SLC13A5: variants seen among roughly 807,000 people sequenced by gnomAD.
SLC13A5 encodes Na(+)/citrate cotransporter.
A neutral mutation model predicts 56.5 loss-of-function variants in SLC13A5; 25 were observed. The ratio of observed to expected loss-of-function variants is 0.44; its 90% CI spans 0.32 to 0.62. The LOEUF is 0.62. Ranked by LOEUF, SLC13A5 falls within the 20% of genes least tolerant of loss-of-function variation. SLC13A5 has a pLI of 0.04. For missense variants in SLC13A5, 649 were observed against 737.8 expected (o/e 0.88, Z 1.39); for synonymous variants, 307 against 301.5 (o/e 1.02, Z -0.19).
At chr17:6,697,959 C>A (rs576985151) in intron 6 of SLC13A5, among the ~76,000 whole-genome samples, 1 of 152,214 alleles carries the variant, frequency 6.6e-6, no homozygotes, top group Non-Finnish European at 1.5e-5. Context: ...GTGGAGCTGC[C>A]TCCTGCCGCT....
chr17:6,692,231 AGATGGATGGATGGATGGATG>A lies in SLC13A5; in HGVS notation c.1275+793_1275+812del, dbSNP rs370078806. Among the ~76,000 whole-genome samples the A allele has an allele frequency of 7.0e-6, 1 of 143,812 alleles. No homozygotes were observed. Among genetic ancestry groups the A allele is most frequent in the African/African-American group, 2.7e-5 (1 of 37,698 alleles). The allele number at this position is 143,812 out of a possible 152,430, so 94.3% of individuals were successfully genotyped here. On this transcript the variant is annotated intron_variant, in intron 9 of 11. Coordinates refer to ENST00000433363, the MANE Select transcript of SLC13A5 (RefSeq NM_177550.5). The surrounding 1 kb of genome is among the most constrained non-coding windows in gnomAD (Gnocchi z 5.5). ...TAGATAGATGGGTGGATGGATGGACAGATGGATGGATGGATGGATGGATGGATGGATGGATGGATGGATGG... is the reference window on the plus strand; with the variant it reads ...TAGATAGATGGGTGGATGGATGGACAGATGGATGGATGGATGGATGGATGG...
rs372576265 is a variant in SLC13A5 at position 6,692,370 on chromosome 17, G to A, written c.1275+674C>T. Reference sequence around the variant, plus strand: ...TAGATGGATGGATTTGTTCACCTCCGCAAAAACTTAGCACCCACTAGGCAC... The same window carrying A: ...TAGATGGATGGATTTGTTCACCTCCACAAAAACTTAGCACCCACTAGGCAC... On this transcript the variant is annotated intron_variant, in intron 9 of 11. Transcript: ENST00000433363. The surrounding 1 kb of genome is among the most constrained non-coding windows in gnomAD (Gnocchi z 5.5). Among the ~76,000 whole-genome samples, 4 of 152,214 alleles carry A rather than the reference G, an allele frequency of 2.6e-5. No individual in the cohort carries two copies. The highest frequency in any genetic ancestry group is 2.1e-4 in the South Asian group (1 of 4,824).
chr17:6,695,917 C>A lies in SLC13A5; in HGVS notation c.864G>T (p.Gly288=). 1 of 1,614,020 alleles carries A rather than the reference C, an allele frequency of 6.2e-7. No homozygotes were observed. The highest frequency in any genetic ancestry group is 8.5e-7 in the Non-Finnish European group (1 of 1,180,018). ...CCTTCTCGTTTTTCTTGCTCTCTAG[C>A]CCGCAGCCCCAGGACTTTTTAAAAC... is the stretch of plus-strand genomic sequence containing the variant. ...RFNFKKSWGC[G]LESKKNEKAA... is the part of the protein sequence containing the mutation. Residue 288 remains glycine (G), a synonymous_variant, in exon 7 of 12, where the codon GGG becomes GGT. Transcript: ENST00000433363.
intron 5 of SLC13A5, among the ~76,000 whole-genome samples, 175 bp downstream of exon 5, chr17:6,702,795 C>T (rs1242631901): frequency 6.6e-6 from 1 of 152,104 alleles, no homozygotes; most frequent in African/African-American, 2.4e-5. Flanking sequence ...CACAGGGGTG[C>T]CAGGACACAG....
At chr17:6,704,106 C>T (rs760656071) in intron 3 of SLC13A5, 50 bp from the exon 4 acceptor site, 9 of 1,565,614 alleles carry the variant, frequency 5.7e-6, no homozygotes, top group East Asian at 2.3e-5. Flanking sequence ...ACCCCACCCC[C>T]GTACTCCCTG....
chr17:6,688,180 A>G (rs1340354416), intron 10 of SLC13A5: 1 of 152,412 alleles, frequency 6.6e-6, no homozygotes, highest in East Asian at 1.9e-4. Flanking sequence ...GTAGGCACTC[A>G]TTAAATATTT....
At position 6,702,971 on chromosome 17, in the gene SLC13A5, C is replaced by T. The variant is rs1338244280; in HGVS notation, c.715G>A (p.Glu239Lys). 3 of 1,613,928 alleles carry T rather than the reference C, an allele frequency of 1.9e-6. No individual in the cohort carries two copies. The highest frequency in any genetic ancestry group is 2.5e-6 in the Non-Finnish European group (3 of 1,179,890). The change falls in exon 5 of 12, where the codon GAG (glutamate) becomes AAG (lysine). Residue 239 changes from glutamate to lysine, a missense_variant and splice_region_variant. Physicochemically the swap from Glu to Lys is moderately conservative, Grantham distance 56. Transcript: ENST00000433363. ...CAGAAGGTGCGACCAAGGACTCACTCGTTCATCTGGCCCAGGAGCACCACG... is the reference window on the plus strand; with the variant it reads ...CAGAAGGTGCGACCAAGGACTCACTTGTTCATCTGGCCCAGGAGCACCACG... ...PNVVLLGQMN[E>K]LFPDSKDLVN...
At chr17:6,690,974 C>T (rs1376532539) in intron 9 of SLC13A5, 34 bp from the exon 10 acceptor site, 3 of 1,571,010 alleles carry the variant, frequency 1.9e-6, no homozygotes, top group African/African-American at 1.3e-5. Context: ...CATCTCAGCG[C>T]TCCCAGCTTG....
chr17:6,696,493 G>A (rs759467771), intron 6 of SLC13A5, among the ~76,000 whole-genome samples: 1 of 152,050 alleles, frequency 6.6e-6, no homozygotes, highest in Non-Finnish European at 1.5e-5. Flanking sequence ...AGCATGGCTA[G>A]GGCAAGAAGG....
chr17:6,690,982 T>G, intron 9 of SLC13A5, 42 bp from the exon 10 acceptor site: 1 of 1,564,158 alleles, frequency 6.4e-7, no homozygotes, highest in Non-Finnish European at 8.7e-7. Flanking sequence ...CGCTCCCAGC[T>G]TGCAGTTCCT....
rs1411597037 is a variant in SLC13A5, at chr17:6,701,475, G to T, written c.717-349C>A. On this transcript the variant is annotated intron_variant, in intron 5 of 11. Coordinates refer to ENST00000433363, the MANE Select transcript of SLC13A5 (RefSeq NM_177550.5). The surrounding 1 kb of genome is among the most constrained non-coding windows in gnomAD (Gnocchi z 4.1). ...GCCTGTAATTCCAGGACTCTGGGAG[G>T]CCGAGGCAGGTGGGGCACAAGGTCA... 5.9e-5 allele frequency among the ~76,000 whole-genome samples: 9 copies of T among 152,214 alleles called. No homozygotes were observed. Among genetic ancestry groups the T allele is most frequent in the Admixed American group, 5.9e-4 (9 of 15,290 alleles).
chr17:6,703,993 G>A lies in SLC13A5; in HGVS notation c.432C>T (p.Thr144=). Residue 144 remains threonine, a synonymous_variant, in exon 4 of 12, where the codon ACC becomes ACT. Coordinates refer to ENST00000433363, the MANE Select transcript of SLC13A5 (RefSeq NM_177550.5). ...LLSMWISNTA[T]TAMMVPIVEA... is the part of the protein sequence containing the mutation. ...CCACGATGGGCACCATCATGGCCGTGGTTGCCGTGTTACTGATCCACATGG... is the reference window on the plus strand; with the variant it reads ...CCACGATGGGCACCATCATGGCCGTAGTTGCCGTGTTACTGATCCACATGG... 1 of 1,613,206 alleles carries A rather than the reference G, an allele frequency of 6.2e-7. No homozygotes were observed. The highest frequency in any genetic ancestry group is 2.2e-5 in the East Asian group (1 of 44,818).
chr17:6,700,736 G>C (rs577747146), intron 6 of SLC13A5, among the ~76,000 whole-genome samples: 3 of 152,170 alleles, frequency 2.0e-5, no homozygotes, highest in Non-Finnish European at 4.4e-5. Flanking sequence ...GGAAAAGTCA[G>C]GGAAGCAGCA....
At chr17:6,703,432 C>A (rs1225481134) in intron 4 of SLC13A5, among the ~76,000 whole-genome samples, 1 of 152,236 alleles carries the variant, frequency 6.6e-6, no homozygotes, top group African/African-American at 2.4e-5. Flanking sequence ...GCTGACTCGT[C>A]TTCCCTGAGC....
Position 6,711,700 on chromosome 17 carries a change from TGAGA to T in SLC13A5, c.102+1528_102+1531del, listed in dbSNP as rs1035691111. On this transcript the variant is annotated intron_variant, in intron 1 of 11. Coordinates refer to ENST00000433363, the MANE Select transcript of SLC13A5 (RefSeq NM_177550.5). This position sits in a 1 kb window ranked among gnomAD's most constrained non-coding sequence, Gnocchi z 4.0. ...GTGTGTGTTTGTGAGTGTGTGTGTG[TGAGA>T]GAGAGAGTGTGTATGTGTGTGTGTG... Among the ~76,000 whole-genome samples, 86 of 151,534 alleles carry T rather than the reference TGAGA, an allele frequency of 5.7e-4. No homozygotes were observed. The highest frequency in any genetic ancestry group is 2.0e-3 in the African/African-American group (81 of 41,280).
intron 5 of SLC13A5, among the ~76,000 whole-genome samples, chr17:6,702,657 A>T (rs115513196): frequency 6.6e-6 from 1 of 151,838 alleles, no homozygotes; most frequent in Non-Finnish European, 1.5e-5. Context: ...TTCAATCCAC[A>T]CTCCCTCTCT....
chr17:6,701,261 C>A lies in SLC13A5; in HGVS notation c.717-135G>T. The A allele has an allele frequency of 8.0e-7, 1 of 1,247,972 alleles. No individual in the cohort carries two copies. Among genetic ancestry groups the A allele is most frequent in the South Asian group, 1.5e-5 (1 of 67,938 alleles). 77.3% of individuals were successfully genotyped at this position (1,247,972 alleles called of 1,614,324 possible). A position where few individuals can be genotyped will look rare whatever the true frequency, so the allele number is the denominator to read the frequency against. ...AGGCCACATCCTCCTGAGGTCTAGC[C>A]ACCAAGTCCATTGCCAAGCATTGTC... On this transcript the variant is annotated intron_variant, in intron 5 of 11. Transcript: ENST00000433363. The surrounding 1 kb of genome is among the most constrained non-coding windows in gnomAD (Gnocchi z 4.1).
rs145329208 is a variant in SLC13A5, at chr17:6,692,085, C to T, written c.1275+959G>A. On this transcript the variant is annotated intron_variant, in intron 9 of 11. Coordinates refer to ENST00000433363, the MANE Select transcript of SLC13A5 (RefSeq NM_177550.5). The surrounding 1 kb of genome is among the most constrained non-coding windows in gnomAD (Gnocchi z 5.5). ...TGTAATCTCTGTGCCTGGCATAACACTAGGGACATAATAGGAATGTTGGAT... is the reference window on the plus strand; with the variant it reads ...TGTAATCTCTGTGCCTGGCATAACATTAGGGACATAATAGGAATGTTGGAT... Among the ~76,000 whole-genome samples the T allele has an allele frequency of 3.8e-3, 581 of 151,804 alleles. 3 individuals carry two copies. Among genetic ancestry groups the T allele is most frequent in the African/African-American group, 0.013 (525 of 41,338 alleles).
rs1281104725 is a variant in SLC13A5 at position 6,692,269 on chromosome 17, A to ATGGATGGATGGATGGATGGT, written c.1275+774_1275+775insACCATCCATCCATCCATCCA. Among the ~76,000 whole-genome samples, 6 of 151,846 alleles carry ATGGATGGATGGATGGATGGT rather than the reference A, an allele frequency of 4.0e-5. No homozygotes were observed. Among genetic ancestry groups the ATGGATGGATGGATGGATGGT allele is most frequent in the African/African-American group, 1.5e-4 (6 of 41,262 alleles). On this transcript the variant is annotated intron_variant, in intron 9 of 11. Coordinates refer to ENST00000433363, the MANE Select transcript of SLC13A5 (RefSeq NM_177550.5). The surrounding 1 kb of genome is among the most constrained non-coding windows in gnomAD (Gnocchi z 5.5). ...GATGGATGGATGGATGGATGGATGGATGGATGGACGGATGGACGGACGGAT... is the reference window on the plus strand; with the variant it reads ...GATGGATGGATGGATGGATGGATGGATGGATGGATGGATGGATGGTTGGATGGACGGATGGACGGACGGAT...
Sources: allele counts gnomAD v4.1 joint callset (sites outside exome capture counted in the v4.1 genomes callset), GRCh38; gene constraint gnomAD v4.1.1; non-coding constraint Gnocchi (gnomAD v3.1); transcripts MANE v1.5; gene names NCBI Gene and HGNC (gene_info 2026-07-23, HGNC 2026-07-21).